DENND1A: variants seen among roughly 807,000 people sequenced by gnomAD.
The protein encoded by DENND1A is DENN domain-containing protein 1A.
Under a neutral mutation model 113.7 loss-of-function variants are expected in DENND1A, and 51 were observed. That is an observed-to-expected ratio of 0.45 (90% CI 0.36 to 0.57). The LOEUF is 0.57. DENND1A is among the 20% of genes least tolerant of loss of function. The pLI is 0.00. For synonymous variants in DENND1A, 565 were observed against 570.8 expected, an observed-to-expected ratio of 0.99 and a Z score of 0.14; for missense variants, 1,258 against 1,395.9, an observed-to-expected ratio of 0.90 and a Z score of 1.57.
chr9:123,448,124 T>C (rs992117653), intron 18 of DENND1A, among the ~76,000 whole-genome samples: 3 of 152,158 alleles, frequency 2.0e-5, no homozygotes, highest in Non-Finnish European at 4.4e-5. Context: ...ACGCTCTCTA[T>C]AGAACATTAT....
At chr9:123,514,100 GTGTGTGTGTC>G (rs1366650251) in intron 13 of DENND1A, among the ~76,000 whole-genome samples, 492 of 43,542 alleles carry the variant, frequency 0.011, 3 homozygotes, top group East Asian at 0.089. Flanking sequence ...GTGTGTGTAT[GTGTGTGTGTC>G]TGTGTGTGTG....
At chr9:123,493,935 C>G (rs1487973297) in intron 13 of DENND1A, among the ~76,000 whole-genome samples, 2 of 152,212 alleles carry the variant, frequency 1.3e-5, no homozygotes, top group African/African-American at 4.8e-5. Flanking sequence ...CTGGGATGAT[C>G]TGTCTCTAGG....
intron 5 of DENND1A, among the ~76,000 whole-genome samples, chr9:123,684,101 C>T (rs939346322): frequency 7.1e-6 from 1 of 141,534 alleles, no homozygotes; most frequent in Non-Finnish European, 1.5e-5. Context: ...CTCCTCAACA[C>T]AAGTAAACCC....
chr9:123,417,915 G>C (rs2044878374), intron 19 of DENND1A, among the ~76,000 whole-genome samples: 1 of 152,026 alleles, frequency 6.6e-6, no homozygotes, highest in Admixed American at 6.6e-5. Flanking sequence ...GGAGTGCAGG[G>C]ACAGGGGACC....
At chr9:123,624,983 G>A (rs926687330) in intron 10 of DENND1A, among the ~76,000 whole-genome samples, 19 of 152,112 alleles carry the variant, frequency 1.2e-4, no homozygotes, top group Admixed American at 3.3e-4. Flanking sequence ...TAGAAATATT[G>A]GAAAATATGG....
intron 5 of DENND1A, among the ~76,000 whole-genome samples, chr9:123,743,350 G>A (rs368857277): frequency 2.0e-4 from 30 of 151,910 alleles, no homozygotes; most frequent in African/African-American, 6.5e-4. Context: ...GCAGTGAGCC[G>A]AGATCGTGCC....
In DENND1A at chr9:123,741,205, A is replaced by G. The variant is rs114050571; in HGVS notation, c.302+16498T>C. On this transcript the variant is annotated intron_variant, in intron 5 of 23. Coordinates refer to ENST00000394215, the MANE Select transcript of DENND1A (RefSeq NM_001352964.2). ...CAAACCTCAGCAACTTTTAAAAGTG[A>G]TAAGTCTGCTAGAGTATTTATGTTA... is the stretch of plus-strand genomic sequence containing the variant. Among the ~76,000 whole-genome samples, 943 of 152,330 alleles carry G rather than the reference A, an allele frequency of 6.2e-3. 7 individuals are homozygous for G. Among genetic ancestry groups the G allele is most frequent in the African/African-American group, 0.021 (872 of 41,566 alleles).
chr9:123,548,212 AT>A (rs1258265247), intron 13 of DENND1A, among the ~76,000 whole-genome samples: 3 of 152,134 alleles, frequency 2.0e-5, no homozygotes, highest in African/African-American at 7.2e-5. Flanking sequence ...TCCTTGCTTC[AT>A]TCCCAGGACA....
chr9:123,588,191 C>T (rs1589251737), intron 11 of DENND1A, among the ~76,000 whole-genome samples: 1 of 146,370 alleles, frequency 6.8e-6, no homozygotes, highest in East Asian at 2.0e-4. Flanking sequence ...AGGAGAATTA[C>T]TTGAACCTGG....
At chr9:123,906,048 G>C (rs1564482561) in intron 1 of DENND1A, among the ~76,000 whole-genome samples, 1 of 151,952 alleles carries the variant, frequency 6.6e-6, no homozygotes, top group African/African-American at 2.4e-5. Context: ...TCAGGATTAA[G>C]AATCTCACTC....
At chr9:123,749,913 C>T (rs1028467853) in intron 5 of DENND1A, among the ~76,000 whole-genome samples, 1 of 152,152 alleles carries the variant, frequency 6.6e-6, no homozygotes, top group Admixed American at 6.5e-5. Flanking sequence ...GAATTCACTC[C>T]GTCTCAAAAA....
chr9:123,554,007 C>T (rs183278797), intron 13 of DENND1A, among the ~76,000 whole-genome samples: 5 of 152,316 alleles, frequency 3.3e-5, no homozygotes, highest in South Asian at 2.1e-4. Context: ...CCACCTCTCT[C>T]GGCTTCCCAA....
chr9:123,858,046 G>A (rs1312510501), intron 2 of DENND1A, among the ~76,000 whole-genome samples: 2 of 143,328 alleles, frequency 1.4e-5, no homozygotes, highest in Admixed American at 7.1e-5. Context: ...GCGACAGAGC[G>A]AGACTCCGTC....
At chr9:123,492,826 G>T (rs568364497) in intron 13 of DENND1A, 1 of 152,302 alleles carries the variant, frequency 6.6e-6, no homozygotes, top group African/African-American at 2.4e-5. Context: ...TTTGTTTGAG[G>T]ATCACTAGGA....
intron 18 of DENND1A, among the ~76,000 whole-genome samples, chr9:123,444,007 T>C (rs1346677668): frequency 1.3e-5 from 2 of 151,988 alleles, no homozygotes; most frequent in African/African-American, 4.8e-5. Context: ...TATCTCCTGG[T>C]AGAGATCTTA....
intron 12 of DENND1A, among the ~76,000 whole-genome samples, chr9:123,582,550 C>G (rs182169508): frequency 6.6e-6 from 1 of 151,794 alleles, no homozygotes; most frequent in South Asian, 2.1e-4. Flanking sequence ...CAGGCACATG[C>G]CACCATGCTC....
intron 12 of DENND1A, among the ~76,000 whole-genome samples, chr9:123,570,796 C>T (rs1201935009): frequency 1.3e-5 from 2 of 152,172 alleles, no homozygotes; most frequent in Non-Finnish European, 2.9e-5. Flanking sequence ...ATTGTTGACT[C>T]ACAGGGAAAG....
intron 2 of DENND1A, among the ~76,000 whole-genome samples, chr9:123,815,869 C>G (rs992243332): frequency 6.6e-6 from 1 of 151,988 alleles, no homozygotes; most frequent in Non-Finnish European, 1.5e-5. Context: ...AAAACATAAC[C>G]CAACTGCTAT....
At chr9:123,475,507 T>G (rs572355573) in intron 13 of DENND1A, among the ~76,000 whole-genome samples, 132 of 152,276 alleles carry the variant, frequency 8.7e-4, no homozygotes, top group African/African-American at 3.0e-3. Context: ...GCATTTTTAG[T>G]GTTTGGAAAG....
Sources: allele counts gnomAD v4.1 joint callset (sites outside exome capture counted in the v4.1 genomes callset), GRCh38; gene constraint gnomAD v4.1.1; transcripts MANE v1.5; gene names NCBI Gene and HGNC (gene_info 2026-07-23, HGNC 2026-07-21).